PCED1B: variants seen among roughly 807,000 people sequenced by gnomAD.
The protein encoded by PCED1B is PC-esterase domain-containing protein 1B.
For missense variants in PCED1B, 573 were observed against 573.9 expected, an observed-to-expected ratio of 1.00 and a Z score of 0.02; for synonymous variants, 251 against 246.1, an observed-to-expected ratio of 1.02 and a Z score of -0.19.
intron 1 of PCED1B, among the ~76,000 whole-genome samples, chr12:47,080,326 G>A (rs1941969206): frequency 6.6e-6 from 1 of 152,204 alleles, no homozygotes. Flanking sequence ...CGCGGCGGCC[G>A]CACAGGTCAC....
At chr12:47,178,871 A>AC (rs1942009762) in intron 2 of PCED1B, among the ~76,000 whole-genome samples, 1 of 151,500 alleles carries the variant, frequency 6.6e-6, no homozygotes, top group African/African-American at 2.4e-5. Context: ...CATCTCAAAA[A>AC]AAAAAAAAAA....
chr12:47,182,028 C>T lies in PCED1B; in HGVS notation c.-525-34194C>T, dbSNP rs1053323570. ...GCACTTTGATGTAATTTTGAAGTCA[C>T]AAACAGTTCTGTTTCTCTAAGCAGG... On this transcript the variant is annotated intron_variant, in intron 2 of 3. Transcript: ENST00000546455. Among the ~76,000 whole-genome samples the T allele has an allele frequency of 3.9e-5, 6 of 152,352 alleles. No homozygotes were observed. The East Asian group carries it at 9.6e-4, about 24-fold the overall frequency.
At chr12:47,234,211 C>T (rs1419753468) in intron 3 of PCED1B, among the ~76,000 whole-genome samples, 1 of 152,094 alleles carries the variant, frequency 6.6e-6, no homozygotes, top group African/African-American at 2.4e-5. Flanking sequence ...TGGTCTCGGA[C>T]TCCCGACCTC....
intron 1 of PCED1B, among the ~76,000 whole-genome samples, chr12:47,087,746 G>A (rs1227615090): frequency 1.3e-5 from 2 of 152,108 alleles, no homozygotes; most frequent in Admixed American, 6.5e-5. Flanking sequence ...AAAGTAAATT[G>A]TATGCAAATA....
chr12:47,134,217 G>A (rs1254083821), intron 2 of PCED1B, among the ~76,000 whole-genome samples: 1 of 152,162 alleles, frequency 6.6e-6, no homozygotes, highest in Non-Finnish European at 1.5e-5. Context: ...AGAATGAAAA[G>A]GAGATTTGGA....
intron 2 of PCED1B, among the ~76,000 whole-genome samples, chr12:47,183,743 A>C (rs1565588032): frequency 6.6e-6 from 1 of 152,210 alleles, no homozygotes. Flanking sequence ...CCATCTTAGA[A>C]TTGTGTGCCA....
intron 2 of PCED1B, among the ~76,000 whole-genome samples, chr12:47,160,857 C>T (rs1941355815): frequency 6.6e-6 from 1 of 152,120 alleles, no homozygotes; most frequent in African/African-American, 2.4e-5. Context: ...GAGGACTCTG[C>T]CCTTGTGTGT....
Position 47,135,924 on chromosome 12 carries a change from T to C in PCED1B, c.-526+31729T>C, listed in dbSNP as rs182682869. ...CATGGTCTCCAGGGAGAACCAGCTG[T>C]GGTTGGGTTGCTGGGATGGTTCTCC... On this transcript the variant is annotated intron_variant, in intron 2 of 3. Transcript: ENST00000546455. 15 of 200,420 alleles carry C rather than the reference T, an allele frequency of 7.5e-5. No individual in the cohort carries two copies. In the East Asian group the frequency reaches 2.0e-3, roughly 26 times the overall value. 12.4% of individuals were successfully genotyped at this position (200,420 alleles called of 1,614,324 possible).
At chr12:47,228,482 T>G (rs1165778197) in intron 3 of PCED1B, among the ~76,000 whole-genome samples, 2 of 152,214 alleles carry the variant, frequency 1.3e-5, no homozygotes, top group Non-Finnish European at 2.9e-5. Context: ...AAGCAAAAGA[T>G]AAGAGAAGAT....
chr12:47,194,351 T>C (rs745865809), intron 2 of PCED1B, among the ~76,000 whole-genome samples: 1 of 152,106 alleles, frequency 6.6e-6, no homozygotes, highest in Non-Finnish European at 1.5e-5. Flanking sequence ...ATTTTTGTAT[T>C]TTTAATAGAG....
chr12:47,171,426 A>G (rs921435146), intron 2 of PCED1B, among the ~76,000 whole-genome samples: 3 of 152,130 alleles, frequency 2.0e-5, no homozygotes, highest in African/African-American at 7.2e-5. Context: ...GTTCTAAGCT[A>G]TTATTAGATT....
intron 3 of PCED1B, among the ~76,000 whole-genome samples, chr12:47,222,249 G>C (rs11183811): frequency 2.7e-5 from 4 of 150,792 alleles, no homozygotes; most frequent in African/African-American, 9.7e-5. Flanking sequence ...GAGAATCCCC[G>C]TCTCTACTAA....
chr12:47,105,094 C>A (rs748129452), intron 2 of PCED1B, among the ~76,000 whole-genome samples: 2 of 152,192 alleles, frequency 1.3e-5, no homozygotes, highest in African/African-American at 2.4e-5. Context: ...TTGGTCATTT[C>A]TTTTGCCGCT....
At chr12:47,171,090 G>T (rs573686702) in intron 2 of PCED1B, among the ~76,000 whole-genome samples, 12 of 120,036 alleles carry the variant, frequency 1.0e-4, no homozygotes, top group African/African-American at 3.7e-4. Context: ...TTTTTGAGAC[G>T]GAGTTTTGCT....
intron 2 of PCED1B, among the ~76,000 whole-genome samples, chr12:47,108,372 A>G (rs886849341): frequency 4.6e-5 from 7 of 152,182 alleles, no homozygotes; most frequent in Non-Finnish European, 1.0e-4. Context: ...ACAGTTGATG[A>G]CAGCTGTTTC....
chr12:47,182,176 G>A (rs1942115294), intron 2 of PCED1B, among the ~76,000 whole-genome samples: 1 of 152,154 alleles, frequency 6.6e-6, no homozygotes, highest in African/African-American at 2.4e-5. Flanking sequence ...TTCTAGTGAG[G>A]GGGTGCTAGA....
At chr12:47,217,492 GAA>G (rs973095849) in intron 3 of PCED1B, among the ~76,000 whole-genome samples, 1 of 128,590 alleles carries the variant, frequency 7.8e-6, no homozygotes, top group African/African-American at 3.5e-5. Flanking sequence ...AAGAAAGAAA[GAA>G]AGAAAGAAAG....
intron 2 of PCED1B, among the ~76,000 whole-genome samples, chr12:47,160,293 C>CTTTTTTTTTT (rs59856338): frequency 5.3e-4 from 37 of 69,224 alleles, no homozygotes; most frequent in African/African-American, 1.4e-3. Flanking sequence ...TTTTCTTTTT[C>CTTTTTTTTTT]TTTTTTTTTT....
intron 2 of PCED1B, among the ~76,000 whole-genome samples, chr12:47,152,489 T>A (rs1272213084): frequency 6.6e-6 from 1 of 152,208 alleles, no homozygotes; most frequent in Non-Finnish European, 1.5e-5. Context: ...ATAAAGGAAT[T>A]GATCCAGATA....
Sources: allele counts gnomAD v4.1 joint callset (sites outside exome capture counted in the v4.1 genomes callset), GRCh38; gene constraint gnomAD v4.1.1; transcripts MANE v1.5; gene names NCBI Gene and HGNC (gene_info 2026-07-23, HGNC 2026-07-21).